BCAR3: variants seen among roughly 807,000 people sequenced by gnomAD.
The protein encoded by BCAR3 is breast cancer anti-estrogen resistance protein 3.
BCAR3 carries 37 observed loss-of-function variants against 80.1 expected under a neutral mutation model. That is an observed-to-expected ratio of 0.46 (90% CI 0.36 to 0.61). The LOEUF (loss-of-function observed/expected upper bound fraction) is 0.61, where lower values mean the gene tolerates loss of function less well. Among genes scored for constraint, BCAR3 ranks in the 20% least tolerant of loss-of-function variants. BCAR3 has a pLI of 0.00. For synonymous variants in BCAR3, 389 were observed against 418.9 expected (o/e 0.93, Z 0.87); for missense variants, 978 against 1,068.2 (o/e 0.92, Z 1.18).
intron 2 of BCAR3, among the ~76,000 whole-genome samples, chr1:93,832,639 C>T (rs1361747005): frequency 6.6e-6 from 1 of 152,268 alleles, no homozygotes; most frequent in African/African-American, 2.4e-5. Flanking sequence ...ACGGAGGCTA[C>T]CTACTCCACA....
chr1:93,845,498 A>ATC (rs1485889618), intron 2 of BCAR3: 465 of 4,650 alleles, frequency 0.1, 31 homozygotes, highest in Non-Finnish European at 0.11. Context: ...ATATATATAT[A>ATC]TATAAAACTT....
chr1:93,585,064 C>A (rs758880795), intron 5 of BCAR3: 1 of 985,298 alleles, frequency 1.0e-6, no homozygotes, highest in African/African-American at 1.7e-5. Flanking sequence ...AAGACAAGAC[C>A]GAGGGCAAAT....
At chr1:93,847,027 G>GCCC (rs1439616660) in intron 1 of BCAR3, 3 of 184,688 alleles carry the variant, frequency 1.6e-5, no homozygotes. Context: ...GCGGCGGCCG[G>GCCC]GCGCGAGGGA....
At chr1:93,565,511 C>T (rs991898471) in intron 11 of BCAR3, among the ~76,000 whole-genome samples, 4 of 152,134 alleles carry the variant, frequency 2.6e-5, no homozygotes, top group Admixed American at 6.5e-5. Flanking sequence ...ATATTAGGAT[C>T]GACTGAAAAA....
chr1:93,719,528 G>C (rs1650315247), intron 2 of BCAR3, among the ~76,000 whole-genome samples: 1 of 151,710 alleles, frequency 6.6e-6, no homozygotes, highest in Non-Finnish European at 1.5e-5. Flanking sequence ...TTTTTTAGTA[G>C]AGATGGGGTT....
intron 2 of BCAR3, among the ~76,000 whole-genome samples, chr1:93,758,032 C>T (rs893731813): frequency 2.6e-5 from 4 of 152,080 alleles, no homozygotes; most frequent in Admixed American, 6.6e-5. Context: ...AAAGGAGGAG[C>T]CCTTGGTACT....
intron 7 of BCAR3, among the ~76,000 whole-genome samples, chr1:93,577,440 A>G (rs551992168): frequency 6.6e-6 from 1 of 152,288 alleles, no homozygotes; most frequent in Admixed American, 6.5e-5. Flanking sequence ...CTCTAGTGGT[A>G]GACGCCACGA....
At chr1:93,846,175 C>A (rs915796745) in intron 1 of BCAR3, among the ~76,000 whole-genome samples, 5 of 152,204 alleles carry the variant, frequency 3.3e-5, no homozygotes, top group African/African-American at 1.2e-4. Context: ...CCCTACCACA[C>A]TGGACTCTTC....
At chr1:93,694,679 C>G (rs752009712) in intron 3 of BCAR3, among the ~76,000 whole-genome samples, 22 of 152,172 alleles carry the variant, frequency 1.4e-4, no homozygotes, top group South Asian at 4.1e-4. Flanking sequence ...GGCTCCTGTC[C>G]CAGAGGTCTG....
intron 2 of BCAR3, among the ~76,000 whole-genome samples, chr1:93,671,245 G>A (rs1369990701): frequency 2.6e-5 from 4 of 152,092 alleles, no homozygotes; most frequent in Non-Finnish European, 4.4e-5. Flanking sequence ...TGTCCACCTC[G>A]GCTGCCCAAA....
At chr1:93,776,547 C>A (rs532311266) in intron 2 of BCAR3, among the ~76,000 whole-genome samples, 2 of 152,134 alleles carry the variant, frequency 1.3e-5, no homozygotes, top group Admixed American at 6.5e-5. Context: ...TTGGTTGTTA[C>A]GTCTATTATG....
At chr1:93,693,763 T>G (rs1183520532) in intron 3 of BCAR3, among the ~76,000 whole-genome samples, 1 of 152,128 alleles carries the variant, frequency 6.6e-6, no homozygotes, top group African/African-American at 2.4e-5. Context: ...TGCTGTGATT[T>G]TGGTGACTAG....
upstream of BCAR3, among the ~76,000 whole-genome samples, chr1:93,683,692 C>G (rs1041882004): frequency 1.3e-5 from 2 of 152,122 alleles, no homozygotes; most frequent in East Asian, 1.9e-4. Context: ...TGGGTACATA[C>G]TATATGATTC....
intron 2 of BCAR3, among the ~76,000 whole-genome samples, chr1:93,749,113 T>C (rs1651454568): frequency 6.6e-6 from 1 of 151,444 alleles, no homozygotes; most frequent in African/African-American, 2.4e-5. Context: ...AATAATGGTA[T>C]GTGTGTGGGC....
At chr1:93,617,222 C>T (rs1340535401) in intron 3 of BCAR3, among the ~76,000 whole-genome samples, 1 of 152,200 alleles carries the variant, frequency 6.6e-6, no homozygotes, top group Non-Finnish European at 1.5e-5. Context: ...GTCCTTTTCC[C>T]AAAGCACCAC....
At chr1:93,618,925 T>G (rs982275960) in intron 3 of BCAR3, among the ~76,000 whole-genome samples, 4 of 101,606 alleles carry the variant, frequency 3.9e-5, no homozygotes, top group African/African-American at 7.5e-5. Flanking sequence ...AAGCCGTGGG[T>G]TTTTTTTTTT....
chr1:93,599,210 T>C (rs1674541679), intron 3 of BCAR3: 1 of 152,158 alleles, frequency 6.6e-6, no homozygotes, highest in African/African-American at 2.4e-5. Flanking sequence ...GAAAACATCA[T>C]GAGGCTTGAA....
intron 2 of BCAR3, among the ~76,000 whole-genome samples, chr1:93,751,862 G>A (rs1651568128): frequency 6.6e-6 from 1 of 152,234 alleles, no homozygotes; most frequent in East Asian, 1.9e-4. Context: ...CCCCAGCCTG[G>A]CGGGGAACAG....
chr1:93,678,102 G>T (rs1367253063), intron 1 of BCAR3, among the ~76,000 whole-genome samples: 1 of 152,126 alleles, frequency 6.6e-6, no homozygotes, highest in African/African-American at 2.4e-5. Context: ...CCTCTGGGAA[G>T]CTTTTAAAAT....
Sources: allele counts gnomAD v4.1 joint callset (sites outside exome capture counted in the v4.1 genomes callset), GRCh38; gene constraint gnomAD v4.1.1; transcripts MANE v1.5; gene names NCBI Gene and HGNC (gene_info 2026-07-23, HGNC 2026-07-21).